Variants in GALNT18 observed in about 807,000 individuals in gnomAD.
GALNT18 encodes the protein polypeptide N-acetylgalactosaminyltransferase 18.
In GALNT18, 44 loss-of-function variants were observed where a neutral mutation model predicts 69.5. The observed-to-expected ratio is 0.63, with a 90% confidence interval of 0.50 to 0.81. GALNT18 has a LOEUF of 0.81. Ranked by LOEUF, GALNT18 falls within the 40% of genes least tolerant of loss-of-function variation. The pLI is 0.00. For synonymous variants in GALNT18, 364 were observed against 318.2 expected (o/e 1.14, Z -1.53); for missense variants, 715 against 810.0 (o/e 0.88, Z 1.42).
chr11:11,611,094 AAG>A (rs1433373570), intron 1 of GALNT18, among the ~76,000 whole-genome samples: 4 of 152,238 alleles, frequency 2.6e-5, no homozygotes, highest in Non-Finnish European at 5.9e-5. Flanking sequence ...CATAAACAGA[AAG>A]AGAGATTAGT....
chr11:11,458,805 T>C lies in GALNT18; in HGVS notation c.236-9869A>G, dbSNP rs542925758. ...TCCCCTGTCTTCCAAACACCCAGCC[T>C]TGAGATCCAAATCCCAGCCTTTGTG... is the stretch of plus-strand genomic sequence containing the variant. On this transcript the variant is annotated intron_variant, in intron 1 of 10. Coordinates refer to ENST00000227756, the MANE Select transcript of GALNT18 (RefSeq NM_198516.3). Among the ~76,000 whole-genome samples the C allele has an allele frequency of 5.3e-5, 8 of 152,314 alleles. No individual in the cohort carries two copies. The South Asian group carries it at 1.7e-3, about 32-fold the overall frequency.
rs148985954 is a variant in GALNT18 at position 11,275,672 on chromosome 11, C to A, written c.1678-4382G>T. On this transcript the variant is annotated intron_variant, in intron 10 of 10. Coordinates refer to ENST00000227756, the MANE Select transcript of GALNT18 (RefSeq NM_198516.3). Reference sequence around the variant, plus strand: ...AGGATTTTTATGGTCCTAGGTCTTACATTTAAGTCTTTTATCCATCTTGAG... The same window carrying A: ...AGGATTTTTATGGTCCTAGGTCTTAAATTTAAGTCTTTTATCCATCTTGAG... 6.8e-3 allele frequency among the ~76,000 whole-genome samples: 1,033 copies of A among 152,008 alleles called. 13 individuals are homozygous for A. The highest frequency in any genetic ancestry group is 0.024 in the African/African-American group (978 of 41,282).
rs1382579307 is a variant in GALNT18, at chr11:11,605,988, TGA to T, written c.235+15369_235+15370del. ...CAGTAATGTCAGCTGTGAGGGGCTA[TGA>T]GAGAGACCCCAGAAGCATGAGCGTT... On this transcript the variant is annotated intron_variant, in intron 1 of 10. Transcript: ENST00000227756. This position sits in a 1 kb window ranked among gnomAD's most constrained non-coding sequence, Gnocchi z 4.7. 6.6e-6 allele frequency among the ~76,000 whole-genome samples: 1 copy of T among 152,170 alleles called. No individual in the cohort carries two copies. The highest frequency in any genetic ancestry group is 1.9e-4 in the East Asian group (1 of 5,178).
rs1855393122 is a variant in GALNT18 at position 11,436,016 on chromosome 11, T to C, written c.429-3229A>G. Among the ~76,000 whole-genome samples the C allele has an allele frequency of 6.6e-6, 1 of 152,246 alleles. No homozygotes were observed. The highest frequency in any genetic ancestry group is 2.4e-5 in the African/African-American group (1 of 41,472). Reference sequence around the variant, plus strand: ...TGCCGCTGTGGCCTCTCTCTCGGCATCAGGAGACACCTTTCCTCAGCCTTC... The same window carrying C: ...TGCCGCTGTGGCCTCTCTCTCGGCACCAGGAGACACCTTTCCTCAGCCTTC... On this transcript the variant is annotated intron_variant, in intron 2 of 10. Coordinates refer to ENST00000227756, the MANE Select transcript of GALNT18 (RefSeq NM_198516.3). This position sits in a 1 kb window ranked among gnomAD's most constrained non-coding sequence, Gnocchi z 4.5.
chr11:11,293,353 T>G (rs1021838041), intron 9 of GALNT18, among the ~76,000 whole-genome samples, 160 bp from the exon 10 acceptor site: 9 of 152,136 alleles, frequency 5.9e-5, no homozygotes, highest in African/African-American at 2.2e-4. Flanking sequence ...TCTATTGCAA[T>G]GGACAAGAAG....
chr11:11,575,621 C>T (rs1445124026), intron 1 of GALNT18, among the ~76,000 whole-genome samples: 1 of 152,220 alleles, frequency 6.6e-6, no homozygotes, highest in East Asian at 1.9e-4. Context: ...GGAACTCCTG[C>T]TCTCTGTTTT....
chr11:11,378,646 G>A (rs539138506), intron 4 of GALNT18, among the ~76,000 whole-genome samples: 86 of 152,318 alleles, frequency 5.6e-4, no homozygotes, highest in Non-Finnish European at 1.1e-3. Flanking sequence ...GACAACATGG[G>A]GCAAGCTTCC....
chr11:11,282,204 T>C (rs1849095102), intron 10 of GALNT18, among the ~76,000 whole-genome samples: 1 of 152,184 alleles, frequency 6.6e-6, no homozygotes, highest in African/African-American at 2.4e-5. Context: ...GAAAATTTCA[T>C]TCACAAACAT....
chr11:11,550,768 T>C (rs1197118684), intron 1 of GALNT18, among the ~76,000 whole-genome samples: 3 of 152,230 alleles, frequency 2.0e-5, no homozygotes, highest in Non-Finnish European at 2.9e-5. Flanking sequence ...TCTTGAAATG[T>C]GGCTAGTGCA....
intron 1 of GALNT18, among the ~76,000 whole-genome samples, chr11:11,534,756 T>C (rs1406814047): frequency 1.3e-5 from 2 of 152,256 alleles, no homozygotes; most frequent in Non-Finnish European, 2.9e-5. Context: ...CTTGATATAT[T>C]CTCCACGCTG....
At chr11:11,284,639 CTCT>C (rs1177494033) in intron 10 of GALNT18, among the ~76,000 whole-genome samples, 1 of 152,180 alleles carries the variant, frequency 6.6e-6, no homozygotes, top group African/African-American at 2.4e-5. Context: ...CCAAATACTT[CTCT>C]GCTTATTTTA....
intron 3 of GALNT18, among the ~76,000 whole-genome samples, chr11:11,431,665 T>A (rs1409376196): frequency 6.6e-6 from 1 of 152,200 alleles, no homozygotes; most frequent in Non-Finnish European, 1.5e-5. Flanking sequence ...AATTATCCAA[T>A]GTATTTCAGC....
At chr11:11,411,689 A>G (rs560106400) in intron 3 of GALNT18, among the ~76,000 whole-genome samples, 75 of 152,290 alleles carry the variant, frequency 4.9e-4, no homozygotes, top group African/African-American at 1.7e-3. Flanking sequence ...GGAGCATGAG[A>G]TGGAGATTCC....
In GALNT18 at chr11:11,562,513, C is replaced by T. The variant is rs376659661; in HGVS notation, c.235+58846G>A. Among the ~76,000 whole-genome samples, 1 of 152,070 alleles carries T rather than the reference C, an allele frequency of 6.6e-6. No homozygotes were observed. The highest frequency in any genetic ancestry group is 1.5e-5 in the Non-Finnish European group (1 of 68,012). On this transcript the variant is annotated intron_variant, in intron 1 of 10. Transcript: ENST00000227756. This position sits in a 1 kb window ranked among gnomAD's most constrained non-coding sequence, Gnocchi z 4.1. ...ATTCAACCCATAATACTCCCCTAGACCCTGGACCTTCAAGTACACAGAACT... is the reference window on the plus strand; with the variant it reads ...ATTCAACCCATAATACTCCCCTAGATCCTGGACCTTCAAGTACACAGAACT...
At chr11:11,391,038 T>C (rs1854179623) in intron 3 of GALNT18, among the ~76,000 whole-genome samples, 1 of 152,200 alleles carries the variant, frequency 6.6e-6, no homozygotes. Context: ...GCTCCCTTCC[T>C]CCTTTCCAAA....
At chr11:11,420,176 C>T (rs1183544626) in intron 3 of GALNT18, among the ~76,000 whole-genome samples, 2 of 151,742 alleles carry the variant, frequency 1.3e-5, no homozygotes, top group African/African-American at 4.8e-5. Context: ...ACTGGCTTCC[C>T]AGTCACCACG....
Position 11,315,696 on chromosome 11 carries a change from A to G in GALNT18, c.1512+11390T>C, listed in dbSNP as rs1849740053. ...ACAATCATTCAGTGATGTGCAAGTT[A>G]CATCCCAACTTTACAGATTATGAAC... On this transcript the variant is annotated intron_variant, in intron 9 of 10. Coordinates refer to ENST00000227756, the MANE Select transcript of GALNT18 (RefSeq NM_198516.3). The surrounding 1 kb of genome is among the most constrained non-coding windows in gnomAD (Gnocchi z 5.6). 6.6e-6 allele frequency among the ~76,000 whole-genome samples: 1 copy of G among 152,214 alleles called. No individual in the cohort carries two copies. The highest frequency in any genetic ancestry group is 2.1e-4 in the South Asian group (1 of 4,828).
intron 1 of GALNT18, among the ~76,000 whole-genome samples, chr11:11,515,349 CG>C (rs1273754838): frequency 7.7e-5 from 6 of 77,612 alleles, no homozygotes; most frequent in East Asian, 5.1e-4. Flanking sequence ...CAAAAAAGGG[CG>C]GGGGGGATGG....
chr11:11,379,452 G>T (rs181131785), intron 3 of GALNT18, among the ~76,000 whole-genome samples, 188 bp from the exon 4 acceptor site: 1 of 152,234 alleles, frequency 6.6e-6, no homozygotes, highest in East Asian at 1.9e-4. Context: ...AAATAGAGGG[G>T]AATATTTCCT....
Sources: allele counts gnomAD v4.1 joint callset (sites outside exome capture counted in the v4.1 genomes callset), GRCh38; gene constraint gnomAD v4.1.1; non-coding constraint Gnocchi (gnomAD v3.1); transcripts MANE v1.5; gene names NCBI Gene and HGNC (gene_info 2026-07-23, HGNC 2026-07-21).